RPS27A: variants seen among roughly 807,000 people sequenced by gnomAD.
RPS27A encodes ubiquitin-ribosomal protein eS31 fusion protein.
Under a neutral mutation model 18.9 loss-of-function variants are expected in RPS27A, and 1 was observed. The observed-to-expected ratio is 0.05, with a 90% CI of 0.02 to 0.25. The LOEUF is 0.25. Ranked by LOEUF, RPS27A falls within the 10% of genes least tolerant of loss-of-function variation. RPS27A has a pLI of 1.00. For synonymous variants in RPS27A, 77 were observed against 63.7 expected (o/e 1.21, Z -0.99); for missense variants, 123 against 187.4 (o/e 0.66, Z 2.01).
At chr2:55,232,954 T>A in intron 2 of RPS27A, 82 bp downstream of exon 2, 1 of 1,133,394 alleles carries the variant, frequency 8.8e-7, no homozygotes. Flanking sequence ...GCTTTCCATG[T>A]CTTAGACCAT....
At chr2:55,233,481 T>C in intron 3 of RPS27A, 64 bp downstream of exon 3, 1 of 1,095,070 alleles carries the variant, frequency 9.1e-7, no homozygotes, top group South Asian at 1.3e-5. Flanking sequence ...CTGTAGGTGC[T>C]AGACATACCT....
At position 55,235,619 on chromosome 2, in the gene RPS27A, G is replaced by A. The variant is rs767544315; in HGVS notation, c.*42G>A. Reference sequence around the variant, plus strand: ...AAGACATGAACTAACATTTATTGTTGGGTTTTATTGCAGTAAAAAGAATGG... The same window carrying A: ...AAGACATGAACTAACATTTATTGTTAGGTTTTATTGCAGTAAAAAGAATGG... On this transcript the variant is annotated 3_prime_UTR_variant, in exon 6 of 6. Coordinates refer to ENST00000272317, the MANE Select transcript of RPS27A (RefSeq NM_002954.6). The A allele has an allele frequency of 1.9e-6, 3 of 1,593,554 alleles. No homozygotes were observed. Among genetic ancestry groups the A allele is most frequent in the East Asian group, 2.2e-5 (1 of 44,860 alleles).
intron 3 of RPS27A, 78 bp downstream of exon 3, chr2:55,233,495 C>G (rs1675609327): frequency 1.0e-6 from 1 of 977,222 alleles, no homozygotes; most frequent in Non-Finnish European, 1.6e-6. Flanking sequence ...CATACCTGCT[C>G]TTGGTGATGG....
chr2:55,234,955 A>G lies in RPS27A; in HGVS notation c.314A>G (p.Tyr105Cys), dbSNP rs1452367135. 6.2e-7 allele frequency: 1 copy of G among 1,613,180 alleles called. No individual in the cohort carries two copies. The highest frequency in any genetic ancestry group is 2.2e-5 in the East Asian group (1 of 44,852). ...AAGGTTAAGCTGGCTGTCCTGAAAT[A>G]TTATAAGGTGAGCCAGTTAAAGGGC... ...RKKVKLAVLKYYKVDENGKIS... is the reference protein window; with the variant it reads ...RKKVKLAVLKCYKVDENGKIS... Residue 105 changes from tyrosine (Y) to cysteine (C), a missense_variant, in exon 5 of 6, where the codon TAT (tyrosine) becomes TGT (cysteine). By Grantham distance (194) the Tyr-to-Cys change is radical. Around this residue, in one of 2 missense-constraint regions of RPS27A, gnomAD observed 57 missense variants for 114.8 expected, o/e 0.50. Transcript: ENST00000272317.
intron 5 of RPS27A, 199 bp from the exon 6 acceptor site, chr2:55,235,229 C>T: frequency 1.4e-6 from 1 of 724,584 alleles, no homozygotes; most frequent in East Asian, 2.7e-5. Flanking sequence ...CAAAGCTGGC[C>T]TTTAGTGTTC....
chr2:55,232,513 G>T, upstream of RPS27A: 1 of 480,374 alleles, frequency 2.1e-6, no homozygotes, highest in South Asian at 2.1e-5. Context: ...CATTCCGAAG[G>T]CTAAAGTGAG....
intron 3 of RPS27A, chr2:55,233,688 CG>C: frequency 3.9e-6 from 2 of 510,890 alleles, no homozygotes; most frequent in Non-Finnish European, 7.1e-6. Context: ...GGAGTGCATT[CG>C]CTTGTCCCGG....
chr2:55,235,836 TAA>T lies in RPS27A; in HGVS notation c.*260_*261del. ...ACTTTGGCAGAAGTTATATTTAATG[TAA>T]GTTGTCTAAATATAAGCCAGTTTGT... On this transcript the variant is annotated 3_prime_UTR_variant, in exon 6 of 6. Transcript: ENST00000272317. The T allele has an allele frequency of 2.0e-6, 1 of 508,710 alleles. No individual in the cohort carries two copies. The highest frequency in any genetic ancestry group is 3.6e-6 in the Non-Finnish European group (1 of 280,850). 31.5% of individuals were successfully genotyped at this position (508,710 alleles called of 1,614,324 possible).
intron 3 of RPS27A, chr2:55,233,748 C>T (rs1034289934): frequency 4.2e-6 from 2 of 471,972 alleles, no homozygotes; most frequent in African/African-American, 3.9e-5. Context: ...TGTGCTTCAG[C>T]CTCCCTATTA....
chr2:55,232,876 C>T lies in RPS27A; in HGVS notation c.48+4C>T. The T allele has an allele frequency of 1.2e-6, 2 of 1,611,962 alleles. No homozygotes were observed. Among genetic ancestry groups the T allele is most frequent in the Non-Finnish European group, 1.7e-6 (2 of 1,178,918 alleles). On this transcript the variant is annotated splice_donor_region_variant and intron_variant, in intron 2 of 5. Coordinates refer to ENST00000272317, the MANE Select transcript of RPS27A (RefSeq NM_002954.6). ...GGGGAAGACCATCACCCTCGAGGTACGGGCCGGGTGGTCATGAGGAAGCCA... is the reference window on the plus strand; with the variant it reads ...GGGGAAGACCATCACCCTCGAGGTATGGGCCGGGTGGTCATGAGGAAGCCA...
intron 5 of RPS27A, chr2:55,235,169 G>A (rs1327859015): frequency 1.4e-6 from 1 of 714,368 alleles, no homozygotes; most frequent in Non-Finnish European, 2.3e-6. Flanking sequence ...ATAGGGTTCT[G>A]AGTTTAAAGT....
intron 4 of RPS27A, 149 bp downstream of exon 4, chr2:55,234,353 G>A: frequency 1.5e-6 from 1 of 675,680 alleles, no homozygotes; most frequent in Non-Finnish European, 2.7e-6. Context: ...TCAGACTCAG[G>A]TGGTCCTCCC....
rs370364740 is a variant in RPS27A at position 55,232,830 on chromosome 2, G to A, written c.6G>A (p.Gln2=). The change falls in exon 2 of 6, where the codon CAG becomes CAA. Residue 2 remains glutamine (Q), a synonymous_variant. Transcript: ENST00000272317. Reference sequence around the variant, plus strand: ...CAGGTGGAGCCGCCACCAAAATGCAGATTTTCGTGAAAACCCTTACGGGGA... The same window carrying A: ...CAGGTGGAGCCGCCACCAAAATGCAAATTTTCGTGAAAACCCTTACGGGGA... M[Q]IFVKTLTGKT... 2.4e-4 allele frequency: 390 copies of A among 1,613,050 alleles called. No individual in the cohort carries two copies. The highest frequency in any genetic ancestry group is 3.1e-4 in the Non-Finnish European group (370 of 1,179,726).
chr2:55,234,454 G>A, intron 4 of RPS27A: 1 of 569,760 alleles, frequency 1.8e-6, no homozygotes, highest in African/African-American at 1.9e-5. Flanking sequence ...TTCCCACCGT[G>A]GCCTCCCAGC....
At position 55,235,408 on chromosome 2, in the gene RPS27A, A is replaced by G. The variant is rs1380639472; in HGVS notation, c.322-20A>G. On this transcript the variant is annotated intron_variant, in intron 5 of 5. Coordinates refer to ENST00000272317, the MANE Select transcript of RPS27A (RefSeq NM_002954.6). ...GAATGTGTTGTAAAATTATCTTAAC[A>G]GCAGGTTTGTGCTTTTCAGGTGGAT... 5 of 1,611,712 alleles carry G rather than the reference A, an allele frequency of 3.1e-6. No individual in the cohort carries two copies. The highest frequency in any genetic ancestry group is 2.7e-5 in the African/African-American group (2 of 74,996).
chr2:55,232,684 C>A, upstream of RPS27A: 1 of 800,110 alleles, frequency 1.2e-6, no homozygotes, highest in East Asian at 2.7e-5. Flanking sequence ...GCGCGGCGTT[C>A]TTCCTTTTCG....
intron 3 of RPS27A, 40 bp from the exon 4 acceptor site, chr2:55,234,079 C>G: frequency 7.6e-7 from 1 of 1,310,346 alleles, no homozygotes; most frequent in Non-Finnish European, 1.1e-6. Context: ...ACATCACAGG[C>G]TTGGTGTGCT....
chr2:55,234,447 C>T (rs1420794460), intron 4 of RPS27A: 3 of 572,910 alleles, frequency 5.2e-6, no homozygotes, highest in South Asian at 2.0e-5. Flanking sequence ...AGTGATCTTC[C>T]CACCGTGGCC....
upstream of RPS27A, chr2:55,232,374 C>T (rs181416591): frequency 5.8e-5 from 16 of 276,658 alleles, no homozygotes; most frequent in East Asian, 6.4e-4. Context: ...GAATGCACTT[C>T]CATTTCCTAC....
Sources: gnomAD v4.1 joint callset for allele counts on GRCh38, gnomAD v4.1.1 for gene constraint, gnomAD v4.1.1 regional missense constraint, MANE v1.5 for transcripts, NCBI Gene and HGNC (gene_info 2026-07-23, HGNC 2026-07-21) for gene names.